The following SMG7 variants were observed in gnomAD, a reference collection of about 807,000 sequenced individuals.
The protein encoded by SMG7 is nonsense-mediated mRNA decay factor SMG7.
A neutral mutation model predicts 148.2 loss-of-function variants in SMG7; 34 were observed. That is an observed-to-expected ratio of 0.23 (90% CI 0.17 to 0.31). The LOEUF is 0.31. SMG7 is among the 10% of genes least tolerant of loss of function. The pLI, the probability that SMG7 is intolerant of heterozygous loss-of-function variation, is 1.00. For synonymous variants in SMG7, 492 were observed against 515.1 expected (o/e 0.96, Z 0.61); for missense variants, 1,114 against 1,408.4 (o/e 0.79, Z 3.35).
chr1:183,481,518 G>T (rs971860319), intron 1 of SMG7, among the ~76,000 whole-genome samples: 12 of 152,106 alleles, frequency 7.9e-5, no homozygotes, highest in Admixed American at 7.2e-4. Context: ...TCTTTTAAAT[G>T]TACAGTGTAC....
At chr1:183,484,633 G>A (rs116717544) in intron 1 of SMG7, among the ~76,000 whole-genome samples, 175 of 152,172 alleles carry the variant, frequency 1.2e-3, no homozygotes, top group African/African-American at 4.0e-3. Flanking sequence ...TCCTTTGTAT[G>A]AGGGTTACTT....
chr1:183,526,792 G>C (rs199882721), intron 5 of SMG7, 25 bp downstream of exon 5: 1,110 of 1,578,966 alleles, frequency 7.0e-4, no homozygotes, highest in Non-Finnish European at 9.0e-4. Flanking sequence ...TGAAGGAATT[G>C]ATAATATGTT....
At chr1:183,479,251 G>T (rs943623560) in intron 1 of SMG7, among the ~76,000 whole-genome samples, 7 of 152,082 alleles carry the variant, frequency 4.6e-5, no homozygotes, top group African/African-American at 1.7e-4. Flanking sequence ...TTTACAACAG[G>T]ATTTCTCAAC....
chr1:183,546,717 T>C (rs1464654338), intron 17 of SMG7, among the ~76,000 whole-genome samples: 1 of 152,236 alleles, frequency 6.6e-6, no homozygotes, highest in East Asian at 1.9e-4. Context: ...TAGCCAGTTA[T>C]CTTGGACAGT....
Position 183,552,619 on chromosome 1 carries a change from G to T in SMG7, c.*688G>T. ...GCCTTCCTCTGGCCAGGAGACTCCA[G>T]CAGGGAATGCCCTTCACTCTGTAGG... is the stretch of plus-strand genomic sequence containing the variant. On this transcript the variant is annotated 3_prime_UTR_variant, in exon 23 of 23. Coordinates refer to ENST00000688051, the MANE Select transcript of SMG7 (RefSeq NM_001375584.1). 9.6e-7 allele frequency: 1 copy of T among 1,044,862 alleles called. No homozygotes were observed. The highest frequency in any genetic ancestry group is 1.2e-6 in the Non-Finnish European group (1 of 865,564). 64.7% of individuals were successfully genotyped at this position (1,044,862 alleles called of 1,614,324 possible). A position where few individuals can be genotyped will look rare whatever the true frequency, so the allele number is the denominator to read the frequency against.
At position 183,552,954 on chromosome 1, in the gene SMG7, G is replaced by A. The variant is rs1437069545; in HGVS notation, c.*1023G>A. On this transcript the variant is annotated 3_prime_UTR_variant, in exon 23 of 23. Coordinates refer to ENST00000688051, the MANE Select transcript of SMG7 (RefSeq NM_001375584.1). ...TAGTAATTGTTTTTATTCCTAATGT[G>A]TGCAACATCACATCTCCCCAAGAAG... is the stretch of plus-strand genomic sequence containing the variant. The A allele has an allele frequency of 3.3e-6, 5 of 1,534,632 alleles. No homozygotes were observed. The highest frequency in any genetic ancestry group is 4.9e-5 in the East Asian group (2 of 40,858).
At chr1:183,497,450 G>T (rs1053234119) in intron 1 of SMG7, among the ~76,000 whole-genome samples, 3 of 152,206 alleles carry the variant, frequency 2.0e-5, no homozygotes, top group Non-Finnish European at 2.9e-5. Context: ...ACCCAGGATT[G>T]GTAGGAGTTC....
At chr1:183,504,748 C>A (rs1660522102) in intron 1 of SMG7, among the ~76,000 whole-genome samples, 1 of 152,268 alleles carries the variant, frequency 6.6e-6, no homozygotes, top group East Asian at 1.9e-4. Context: ...ATTTACCATT[C>A]TCCTCAGCTT....
intron 10 of SMG7, among the ~76,000 whole-genome samples, chr1:183,535,098 T>C (rs1237383101): frequency 6.6e-6 from 1 of 152,202 alleles, no homozygotes; most frequent in Non-Finnish European, 1.5e-5. Context: ...TCTTGTGTAC[T>C]CTAGAACTCA....
At chr1:183,547,811 CAG>C (rs896049899) in intron 18 of SMG7, among the ~76,000 whole-genome samples, 26 of 152,032 alleles carry the variant, frequency 1.7e-4, no homozygotes, top group African/African-American at 6.0e-4. Context: ...TAAACATTGT[CAG>C]AGTGTCATAA....
chr1:183,486,296 A>G (rs1046466870), intron 1 of SMG7, among the ~76,000 whole-genome samples: 5 of 152,266 alleles, frequency 3.3e-5, no homozygotes, highest in African/African-American at 1.2e-4. Flanking sequence ...TGACATATTC[A>G]GTCTTCAAGG....
chr1:183,522,244 A>G (rs1181573803), intron 4 of SMG7, among the ~76,000 whole-genome samples: 1 of 152,216 alleles, frequency 6.6e-6, no homozygotes, highest in African/African-American at 2.4e-5. Context: ...AGCCCAGTGG[A>G]AACATCATAA....
At position 183,547,089 on chromosome 1, in the gene SMG7, C is replaced by T. The variant is rs1374038392; in HGVS notation, c.2743-14C>T. 1 of 1,546,438 alleles carries T rather than the reference C, an allele frequency of 6.5e-7. No homozygotes were observed. Among genetic ancestry groups the T allele is most frequent in the Admixed American group, 2.0e-5 (1 of 49,928 alleles). On this transcript the variant is annotated splice_polypyrimidine_tract_variant and intron_variant, in intron 17 of 22. Coordinates refer to ENST00000688051, the MANE Select transcript of SMG7 (RefSeq NM_001375584.1). ...TCCCTTATTGCTTCTCACTGTGATG[C>T]TTTCTGTCACTAGGACCCCAAGAGC...
intron 1 of SMG7, among the ~76,000 whole-genome samples, chr1:183,511,323 A>G (rs1177107822): frequency 1.3e-5 from 2 of 152,218 alleles, no homozygotes; most frequent in Non-Finnish European, 1.5e-5. Flanking sequence ...AAGAAAAACT[A>G]GAAGTGCTGT....
chr1:183,553,134 G>A lies in SMG7; in HGVS notation c.*1203G>A. ...GTGAAATTCAAGGCAGCACGGACAT[G>A]TGCCCATCAGGCACAGAAGAAAACA... On this transcript the variant is annotated 3_prime_UTR_variant, in exon 23 of 23. Transcript: ENST00000688051. The A allele has an allele frequency of 6.5e-7, 1 of 1,536,408 alleles. No individual in the cohort carries two copies. The highest frequency in any genetic ancestry group is 8.7e-7 in the Non-Finnish European group (1 of 1,146,956).
intron 18 of SMG7, chr1:183,549,005 A>G (rs1428079588): frequency 2.8e-5 from 16 of 576,472 alleles, no homozygotes; most frequent in Non-Finnish European, 4.3e-5. Context: ...TTGATCTAAA[A>G]GGAGGATTCT....
chr1:183,508,930 T>C (rs956366367), intron 1 of SMG7, among the ~76,000 whole-genome samples: 1 of 152,240 alleles, frequency 6.6e-6, no homozygotes, highest in African/African-American at 2.4e-5. Flanking sequence ...CTATTGTTGA[T>C]GATTCCTTAT....
chr1:183,488,087 ACT>A (rs1208652854), intron 1 of SMG7, among the ~76,000 whole-genome samples: 1 of 152,146 alleles, frequency 6.6e-6, no homozygotes, highest in Non-Finnish European at 1.5e-5. Context: ...TTTCTCTGAG[ACT>A]CTGATAGGAA....
intron 1 of SMG7, among the ~76,000 whole-genome samples, chr1:183,512,075 G>A (rs949827460): frequency 6.6e-6 from 1 of 152,278 alleles, no homozygotes; most frequent in East Asian, 1.9e-4. Flanking sequence ...AAAAGAGGCA[G>A]CAGCTAGAGG....
Sources: allele counts gnomAD v4.1 joint callset (sites outside exome capture counted in the v4.1 genomes callset), GRCh38; gene constraint gnomAD v4.1.1; transcripts MANE v1.5; gene names NCBI Gene and HGNC (gene_info 2026-07-23, HGNC 2026-07-21).